Variants in GOSR1 observed in about 807,000 individuals in gnomAD.
GOSR1 encodes golgi SNAP receptor complex member 1.
GOSR1 carries 21 observed loss-of-function variants against 35.5 expected under a neutral mutation model. That is an observed-to-expected ratio of 0.59 (90% CI 0.42 to 0.85). The LOEUF (loss-of-function observed/expected upper bound fraction) is 0.85. Ranked by LOEUF, GOSR1 falls within the 40% of genes least tolerant of loss-of-function variation. GOSR1 has a pLI of 0.00. For synonymous variants in GOSR1, 94 were observed against 106.6 expected (o/e 0.88, Z 0.73); for missense variants, 285 against 309.6 (o/e 0.92, Z 0.60).
intron 4 of GOSR1, among the ~76,000 whole-genome samples, chr17:30,486,995 A>ATT (rs1914723805): frequency 6.6e-6 from 1 of 152,232 alleles, no homozygotes; most frequent in African/African-American, 2.4e-5. Flanking sequence ...TACAAGAACA[A>ATT]CCAAGAAAAA....
rs774092891 is a variant in GOSR1, at chr17:30,522,370, T to C, written c.739T>C (p.Phe247Leu). 22 of 1,581,094 alleles carry C rather than the reference T, an allele frequency of 1.4e-5. 1 individual carries two copies. The South Asian group carries it at 2.2e-4, about 16-fold the overall frequency. ...ICTILLLLYA[F>L]H ...TACCATCCTGTTGCTGCTGTATGCG[T>C]TCCATTGATGGGACATCTTCAGGGA... is the stretch of plus-strand genomic sequence containing the variant. Residue 247 changes from phenylalanine to leucine, a missense_variant, in exon 9 of 9, where the codon TTC (phenylalanine) becomes CTC (leucine). Phe to Leu is a conservative substitution (Grantham distance 22, BLOSUM62 0). This residue lies in a region of GOSR1 where 168 missense variants were observed against 183.2 expected (regional missense o/e 0.92). Transcript: ENST00000451249.
intron 4 of GOSR1, 179 bp downstream of exon 4, chr17:30,484,949 C>A (rs1006538218): frequency 4.7e-6 from 3 of 636,276 alleles, no homozygotes; most frequent in Admixed American, 5.3e-5. Context: ...TTATAAAATT[C>A]TGAAAATATC....
intron 7 of GOSR1, among the ~76,000 whole-genome samples, chr17:30,519,325 G>T (rs1967938133): frequency 6.6e-6 from 1 of 152,142 alleles, no homozygotes; most frequent in Admixed American, 6.5e-5. Context: ...ATTCGGTGCT[G>T]GGATTACAGA....
intron 8 of GOSR1, among the ~76,000 whole-genome samples, chr17:30,521,451 G>A (rs748602416): frequency 1.3e-5 from 2 of 151,690 alleles, no homozygotes; most frequent in Non-Finnish European, 2.9e-5. Flanking sequence ...CCAAAGTGCT[G>A]GGATTATAGG....
chr17:30,519,048 T>G (rs1479960889), intron 7 of GOSR1, among the ~76,000 whole-genome samples: 1 of 151,958 alleles, frequency 6.6e-6, no homozygotes, highest in Non-Finnish European at 1.5e-5. Flanking sequence ...AAAGTGACTT[T>G]CTCTTTTCTC....
Position 30,491,972 on chromosome 17 carries a change from C to T in GOSR1, c.435-707C>T, listed in dbSNP as rs1915075952. Among the ~76,000 whole-genome samples the T allele has an allele frequency of 2.0e-5, 3 of 152,166 alleles. No homozygotes were observed. In the South Asian group the frequency reaches 6.2e-4, roughly 32 times the overall value. ...CTTGGTGGTGGTTTCTCCTGTAGCA[C>T]TGCCTTTCAGCCAGTATTTCAGTTT... On this transcript the variant is annotated intron_variant, in intron 5 of 8. Transcript: ENST00000451249.
chr17:30,490,007 G>T (rs1914936107), intron 4 of GOSR1, 119 bp from the exon 5 acceptor site: 1 of 606,756 alleles, frequency 1.6e-6, no homozygotes, highest in Admixed American at 2.9e-5. Flanking sequence ...TGGTTAATTT[G>T]ATTTCTTAAA....
At position 30,477,586 on chromosome 17, in the gene GOSR1, G is replaced by T; in HGVS notation, c.31+122G>T. 2.8e-6 allele frequency: 4 copies of T among 1,407,738 alleles called. No individual in the cohort carries two copies. In the South Asian group the frequency reaches 5.9e-5, roughly 21 times the overall value. The allele number at this position is 1,407,738 out of a possible 1,614,324, so 87.2% of individuals were successfully genotyped here. A position where few individuals can be genotyped will look rare whatever the true frequency, so the allele number is the denominator to read the frequency against. ...CCCGGAGCGGCCGAGCTGAGCAGCG[G>T]GGCTTGCCTAAGTGGGATCCCCGGG... On this transcript the variant is annotated intron_variant, in intron 1 of 8. Transcript: ENST00000451249.
In GOSR1 at chr17:30,527,111, A is replaced by G. The variant is rs1968195427; in HGVS notation, c.*4733A>G. The G allele has an allele frequency of 6.6e-6, 1 of 152,280 alleles. No homozygotes were observed. Among genetic ancestry groups the G allele is most frequent in the African/African-American group, 2.4e-5 (1 of 41,472 alleles). 9.4% of individuals were successfully genotyped at this position (152,280 alleles called of 1,614,324 possible). ...AGTGGCTAACACCTGTAATCCCAGC[A>G]GTTCGAGAGGCCGAGGCAGGAGGAT... On this transcript the variant is annotated 3_prime_UTR_variant, in exon 9 of 9. Transcript: ENST00000451249.
At chr17:30,503,584 C>T (rs1356488369) in intron 6 of GOSR1, among the ~76,000 whole-genome samples, 1 of 152,218 alleles carries the variant, frequency 6.6e-6, no homozygotes, top group Admixed American at 6.5e-5. Flanking sequence ...GTCGTGTCCA[C>T]ACGTCCAGGA....
At chr17:30,507,497 C>A (rs1225896190) in intron 6 of GOSR1, among the ~76,000 whole-genome samples, 1 of 152,000 alleles carries the variant, frequency 6.6e-6, no homozygotes, top group East Asian at 1.9e-4. Flanking sequence ...CCAAGAGGAG[C>A]GGATCACCCG....
At chr17:30,505,791 T>A (rs1432128913) in intron 6 of GOSR1, among the ~76,000 whole-genome samples, 1 of 152,134 alleles carries the variant, frequency 6.6e-6, no homozygotes, top group Admixed American at 6.6e-5. Context: ...TGCAGTGGCA[T>A]GATCCCAGCC....
At chr17:30,481,840 T>C (rs943420746) in intron 2 of GOSR1, among the ~76,000 whole-genome samples, 1 of 152,144 alleles carries the variant, frequency 6.6e-6, no homozygotes, top group African/African-American at 2.4e-5. Context: ...CAAGAAAATA[T>C]TGGGAGTAGC....
rs563547404 is a variant in GOSR1, at chr17:30,527,329, G to A, written c.*4951G>A. On this transcript the variant is annotated 3_prime_UTR_variant, in exon 9 of 9. Transcript: ENST00000451249. ...CGATTGTGCCACTGTACTCCAGCCTGGGTGACAGAGACCCTGTCTCAAAAA... is the reference window on the plus strand; with the variant it reads ...CGATTGTGCCACTGTACTCCAGCCTAGGTGACAGAGACCCTGTCTCAAAAA... 1 of 152,302 alleles carries A rather than the reference G, an allele frequency of 6.6e-6. No homozygotes were observed. The highest frequency in any genetic ancestry group is 1.9e-4 in the East Asian group (1 of 5,184). The allele number at this position is 152,302 out of a possible 1,614,324, so 9.4% of individuals were successfully genotyped here.
chr17:30,483,205 T>A (rs914364323), intron 2 of GOSR1: 5 of 151,990 alleles, frequency 3.3e-5, no homozygotes, highest in African/African-American at 1.2e-4. Context: ...TAAGATGAAT[T>A]AAATTTAACT....
intron 8 of GOSR1, among the ~76,000 whole-genome samples, chr17:30,520,900 G>A (rs1042407202): frequency 8.5e-5 from 13 of 152,126 alleles, no homozygotes; most frequent in African/African-American, 2.9e-4. Flanking sequence ...TTTAGATAGG[G>A]CTATAAAATT....
intron 6 of GOSR1, among the ~76,000 whole-genome samples, chr17:30,494,661 G>A (rs1966925612): frequency 6.6e-6 from 1 of 151,628 alleles, no homozygotes; most frequent in South Asian, 2.1e-4. Context: ...AGGCTGGAGT[G>A]TCGCGGTGTG....
intron 6 of GOSR1, among the ~76,000 whole-genome samples, chr17:30,505,557 A>G (rs1229354263): frequency 2.0e-5 from 3 of 152,216 alleles, no homozygotes; most frequent in East Asian, 1.9e-4. Flanking sequence ...TTCTAACAGC[A>G]TATGCTCACT....
chr17:30,515,920 C>G (rs1008580200), intron 7 of GOSR1, among the ~76,000 whole-genome samples: 3 of 152,150 alleles, frequency 2.0e-5, no homozygotes, highest in Non-Finnish European at 4.4e-5. Flanking sequence ...AATCAGGACC[C>G]TGGAAGAACT....
Sources: allele counts gnomAD v4.1 joint callset (sites outside exome capture counted in the v4.1 genomes callset), GRCh38; gene constraint gnomAD v4.1.1; regional missense constraint gnomAD v4.1.1; transcripts MANE v1.5; gene names NCBI Gene and HGNC (gene_info 2026-07-23, HGNC 2026-07-21).